MECOM: variants seen among roughly 807,000 people sequenced by gnomAD.
MECOM encodes the protein histone-lysine N-methyltransferase MECOM.
Under a neutral mutation model 116.3 loss-of-function variants are expected in MECOM, and 13 were observed. That is an observed-to-expected ratio of 0.11 (90% CI 0.07 to 0.18). MECOM has a LOEUF of 0.18. Ranked by LOEUF, MECOM falls within the 10% of genes least tolerant of loss-of-function variation. The pLI, the probability that MECOM is intolerant of heterozygous loss-of-function variation, is 1.00. For synonymous variants in MECOM, 528 were observed against 535.2 expected (o/e 0.99, Z 0.19); for missense variants, 1,299 against 1,509.0 (o/e 0.86, Z 2.31).
At chr3:169,197,110 C>T (rs1040176280) in intron 2 of MECOM, among the ~76,000 whole-genome samples, 3 of 151,840 alleles carry the variant, frequency 2.0e-5, no homozygotes, top group Non-Finnish European at 4.4e-5. Context: ...GGGAGCTAAA[C>T]ATCAAGAACT....
At chr3:169,346,832 T>TAGCA (rs1725447307) in intron 2 of MECOM, among the ~76,000 whole-genome samples, 2 of 152,038 alleles carry the variant, frequency 1.3e-5, no homozygotes, top group African/African-American at 4.8e-5. Flanking sequence ...CATGGTTGGT[T>TAGCA]AGCACAGCCA....
chr3:169,119,464 G>A (rs1192707956), intron 7 of MECOM, among the ~76,000 whole-genome samples: 1 of 152,116 alleles, frequency 6.6e-6, no homozygotes, highest in Non-Finnish European at 1.5e-5. Context: ...GACACCCTAT[G>A]GCACTTTAAA....
At chr3:169,470,882 AT>A (rs1331814422) in intron 1 of MECOM, among the ~76,000 whole-genome samples, 4 of 152,090 alleles carry the variant, frequency 2.6e-5, no homozygotes, top group East Asian at 1.9e-4. Flanking sequence ...GGTCTGAGCT[AT>A]TTTTTTATTA....
intron 1 of MECOM, among the ~76,000 whole-genome samples, chr3:169,659,816 G>A (rs1577334205): frequency 6.6e-6 from 1 of 151,996 alleles, no homozygotes; most frequent in East Asian, 1.9e-4. Flanking sequence ...GGGCTGACAA[G>A]GTGAGTAGTT....
chr3:169,647,305 T>C (rs1016146682), intron 1 of MECOM, among the ~76,000 whole-genome samples: 1 of 152,156 alleles, frequency 6.6e-6, no homozygotes, highest in African/African-American at 2.4e-5. Context: ...ATCCACCTCA[T>C]AGAGATGTGA....
intron 1 of MECOM, among the ~76,000 whole-genome samples, chr3:169,600,107 G>A (rs1475065985): frequency 6.6e-6 from 1 of 152,054 alleles, no homozygotes; most frequent in African/African-American, 2.4e-5. Flanking sequence ...GAGTAGCTGG[G>A]ATTAGCTGTG....
chr3:169,139,750 G>A (rs979449369), intron 3 of MECOM, among the ~76,000 whole-genome samples: 17 of 151,890 alleles, frequency 1.1e-4, no homozygotes, highest in Non-Finnish European at 1.6e-4. Context: ...GGTGGATGGG[G>A]GTCTATGGGT....
intron 2 of MECOM, among the ~76,000 whole-genome samples, chr3:169,285,207 G>C (rs1437596731): frequency 6.6e-6 from 1 of 152,190 alleles, no homozygotes; most frequent in Non-Finnish European, 1.5e-5. Context: ...AGCCGTGTCT[G>C]TGCCATGGTG....
At chr3:169,480,663 G>A (rs1326798545) in intron 1 of MECOM, among the ~76,000 whole-genome samples, 2 of 152,148 alleles carry the variant, frequency 1.3e-5, no homozygotes, top group Admixed American at 1.3e-4. Flanking sequence ...GTTGATGATA[G>A]GGCGACCTGG....
chr3:169,568,482 C>T (rs1169806687), intron 1 of MECOM, among the ~76,000 whole-genome samples: 2 of 152,214 alleles, frequency 1.3e-5, no homozygotes, highest in Non-Finnish European at 2.9e-5. Flanking sequence ...GAAATTCTCA[C>T]TGCCAGCACA....
chr3:169,549,713 T>G (rs766222008), intron 1 of MECOM, among the ~76,000 whole-genome samples: 1 of 152,200 alleles, frequency 6.6e-6, no homozygotes, highest in Admixed American at 6.5e-5. Flanking sequence ...AAGTAAGGCC[T>G]AGTAGTTCAA....
At chr3:169,092,157 G>T (rs990294368) in intron 14 of MECOM, among the ~76,000 whole-genome samples, 1 of 151,994 alleles carries the variant, frequency 6.6e-6, no homozygotes, top group East Asian at 1.9e-4. Flanking sequence ...AGCATTAAAA[G>T]CTTTTTTAAA....
chr3:169,488,643 C>T (rs984901190), intron 1 of MECOM, among the ~76,000 whole-genome samples: 2 of 151,810 alleles, frequency 1.3e-5, no homozygotes, highest in Admixed American at 6.6e-5. Context: ...AAAGAAAGCA[C>T]AGTACAATAA....
chr3:169,334,617 T>C (rs79119062), intron 2 of MECOM, among the ~76,000 whole-genome samples: 1,717 of 152,286 alleles, frequency 0.011, 30 homozygotes, highest in African/African-American at 0.039. Flanking sequence ...TCAGAGAGGA[T>C]GCTGATCCTG....
chr3:169,378,925 G>GA (rs1731910381), intron 2 of MECOM, among the ~76,000 whole-genome samples: 3 of 150,564 alleles, frequency 2.0e-5, no homozygotes, highest in Non-Finnish European at 4.4e-5. Context: ...GGCCTAAGAG[G>GA]TTTTTTTTTC....
At chr3:169,290,787 CGAGTT>C (rs1465437444) in intron 2 of MECOM, among the ~76,000 whole-genome samples, 2 of 152,048 alleles carry the variant, frequency 1.3e-5, no homozygotes, top group Non-Finnish European at 2.9e-5. Context: ...AATCATTTCT[CGAGTT>C]GGGTTGGGTA....
intron 2 of MECOM, among the ~76,000 whole-genome samples, chr3:169,263,128 T>TA (rs1757802269): frequency 3.1e-5 from 2 of 64,068 alleles, no homozygotes; most frequent in African/African-American, 1.9e-4. Context: ...TATATATATA[T>TA]GTTTTTTTTT....
At position 169,084,714 on chromosome 3, in the gene MECOM, AC is replaced by A; in HGVS notation, c.*194del. 1.7e-6 allele frequency: 1 copy of A among 581,286 alleles called. No homozygotes were observed. Among genetic ancestry groups the A allele is most frequent in the Non-Finnish European group, 2.8e-6 (1 of 360,078 alleles). The allele number at this position is 581,286 out of a possible 1,614,324, so 36.0% of individuals were successfully genotyped here. Reference sequence around the variant, plus strand: ...TCAGCAGCTGCCTTTGCTGTGCAAAACAAAATATCGAGAATAAATAGTTTCT... The same window carrying A: ...TCAGCAGCTGCCTTTGCTGTGCAAAAAAAATATCGAGAATAAATAGTTTCT... On this transcript the variant is annotated 3_prime_UTR_variant, in exon 17 of 17. Transcript: ENST00000651503.
intron 2 of MECOM, among the ~76,000 whole-genome samples, chr3:169,160,634 TAAA>T (rs1452915692): frequency 6.7e-6 from 1 of 150,058 alleles, no homozygotes; most frequent in East Asian, 1.9e-4. Flanking sequence ...TTAAAATAAC[TAAA>T]ATAATATATT....
Sources: allele counts gnomAD v4.1 joint callset (sites outside exome capture counted in the v4.1 genomes callset), GRCh38; gene constraint gnomAD v4.1.1; transcripts MANE v1.5; gene names NCBI Gene and HGNC (gene_info 2026-07-23, HGNC 2026-07-21).